Variants in EGFL6 observed in about 807,000 individuals in gnomAD.
EGFL6 encodes EGF like domain multiple 6.
A neutral mutation model predicts 43.1 loss-of-function variants in EGFL6; 42 were observed. The observed-to-expected ratio is 0.98, with a 90% CI of 0.76 to 1.26. The LOEUF is 1.26. Among genes scored for constraint, EGFL6 ranks in the 50% most tolerant of loss-of-function variants. EGFL6 has a pLI of 0.00. For missense variants in EGFL6, 429 were observed against 427.8 expected, an observed-to-expected ratio of 1.00 and a Z score of -0.02; for synonymous variants, 164 against 163.2, an observed-to-expected ratio of 1.01 and a Z score of -0.04.
chrX:13,627,400 C>T (rs1047686291), intron 11 of EGFL6, 124 bp downstream of exon 11: 2 of 913,151 alleles, frequency 2.2e-6, no homozygotes, highest in African/African-American at 4.0e-5. Context: ...TTTTTCCCTA[C>T]ACTTAAAGAA....
chrX:13,632,462 C>T (rs1439990720), intron 11 of EGFL6, among the ~76,000 whole-genome samples: 1 of 108,399 alleles, frequency 9.2e-6, no homozygotes, highest in Non-Finnish European at 1.9e-5. Flanking sequence ...CCACCACGCC[C>T]GGCTAATTTG....
intron 7 of EGFL6, among the ~76,000 whole-genome samples, chrX:13,608,834 C>G (rs1458937108): frequency 8.9e-6 from 1 of 112,345 alleles, no homozygotes; most frequent in East Asian, 2.8e-4. Context: ...CTTAAAACCA[C>G]AAAGGTTTTT....
chrX:13,632,003 A>G (rs2045813699), intron 11 of EGFL6, among the ~76,000 whole-genome samples: 1 of 111,096 alleles, frequency 9.0e-6, no homozygotes, highest in Admixed American at 9.6e-5. Context: ...CTATATAGAA[A>G]TTTCTAAACT....
chrX:13,588,779 TAC>T (rs200293674), intron 1 of EGFL6, among the ~76,000 whole-genome samples: 1,545 of 112,322 alleles, frequency 0.014, 31 homozygotes, highest in African/African-American at 0.048. Flanking sequence ...CTATTCAAAT[TAC>T]AGTGTCCATA....
intron 9 of EGFL6, among the ~76,000 whole-genome samples, chrX:13,623,212 A>C (rs1353573696): frequency 2.8e-5 from 3 of 108,579 alleles, no homozygotes; most frequent in East Asian, 5.7e-4. Flanking sequence ...AAGAAAGTAG[A>C]AAGTTCCGGC....
chrX:13,593,382 G>C (rs771966430), intron 2 of EGFL6, among the ~76,000 whole-genome samples: 7 of 112,078 alleles, frequency 6.2e-5, no homozygotes, highest in Admixed American at 9.5e-5. Context: ...GAGCCTGAAA[G>C]GGGGATTCTT....
chrX:13,569,641 A>C lies in EGFL6; in HGVS notation c.-221A>C. The C allele has an allele frequency of 6.0e-5, 16 of 264,540 alleles. No homozygotes were observed. The highest frequency in any genetic ancestry group is 8.7e-5 in the Non-Finnish European group (13 of 148,956). 21.8% of individuals were successfully genotyped at this position (264,540 alleles called of 1,213,427 possible). A position where few individuals can be genotyped will look rare whatever the true frequency, so the allele number is the denominator to read the frequency against. ...CTTCATCCGCAGAGGAGCCTCGGCCAGGCTTGCCAGGGCGCCCCCAGCCCC... is the reference window on the plus strand; with the variant it reads ...CTTCATCCGCAGAGGAGCCTCGGCCCGGCTTGCCAGGGCGCCCCCAGCCCC... On this transcript the variant is annotated 5_prime_UTR_variant, in exon 1 of 12. Coordinates refer to ENST00000361306, the MANE Select transcript of EGFL6 (RefSeq NM_015507.4).
Position 13,627,213 on chromosome X carries a change from T to G in EGFL6, c.1488T>G (p.Ser496Arg). ...CCCTGGCATGGGAGAAGACCACGAG[T>G]GAGGATGAAAAGTGGAAGACAGGGA... ...NNALAWEKTT[S>R]EDEKWKTGKI... is the part of the protein sequence containing the mutation. The change falls in exon 11 of 12, where the codon AGT (serine) becomes AGG (arginine). Residue 496 changes from serine (S) to arginine (R), a missense_variant. Physicochemically the swap from Ser to Arg is moderately radical, Grantham distance 110. Coordinates refer to ENST00000361306, the MANE Select transcript of EGFL6 (RefSeq NM_015507.4). 1 of 1,210,601 alleles carries G rather than the reference T, an allele frequency of 8.3e-7. No individual in the cohort carries two copies. Among genetic ancestry groups the G allele is most frequent in the Non-Finnish European group, 1.1e-6 (1 of 895,033 alleles).
chrX:13,578,132 C>T (rs559449877), intron 1 of EGFL6, among the ~76,000 whole-genome samples: 1 of 111,187 alleles, frequency 9.0e-6, no homozygotes, highest in African/African-American at 3.3e-5. Context: ...CATCACCTTG[C>T]TCTTCAGTAC....
chrX:13,595,044 G>C (rs1335424181), intron 3 of EGFL6, 116 bp downstream of exon 3: 6 of 449,245 alleles, frequency 1.3e-5, no homozygotes, highest in Non-Finnish European at 2.1e-5. Flanking sequence ...TTCAAATGAA[G>C]GTGCTTTCAG....
At chrX:13,574,363 C>G (rs1243720478) in intron 1 of EGFL6, among the ~76,000 whole-genome samples, 1 of 111,856 alleles carries the variant, frequency 8.9e-6, no homozygotes, top group Non-Finnish European at 1.9e-5. Flanking sequence ...GCCAGTAAAA[C>G]AGGGAACTAC....
intron 1 of EGFL6, among the ~76,000 whole-genome samples, chrX:13,575,361 C>T (rs868864825): frequency 3.4e-4 from 38 of 111,645 alleles, no homozygotes; most frequent in African/African-American, 1.2e-3. Context: ...ACCCAGGAGG[C>T]GGAGGTTGTG....
intron 1 of EGFL6, among the ~76,000 whole-genome samples, chrX:13,584,323 G>A (rs1365677993): frequency 9.0e-6 from 1 of 111,489 alleles, no homozygotes; most frequent in Non-Finnish European, 1.9e-5. Context: ...TACTAACCTG[G>A]TGTTCCTCTG....
In EGFL6 at chrX:13,608,548, C is replaced by T. The variant is rs112681548; in HGVS notation, c.778+102C>T. On this transcript the variant is annotated intron_variant, in intron 7 of 11. Transcript: ENST00000361306. ...TCTCTCCTTTCTTTGTCTTCCTCGC[C>T]TTCTCCCTCTCCCTTACTCTCACTC... The T allele has an allele frequency of 4.0e-5, 40 of 1,004,129 alleles. 1 individual carries two copies. In the African/African-American group the frequency reaches 4.2e-4, roughly 10 times the overall value. 82.8% of individuals were successfully genotyped at this position (1,004,129 alleles called of 1,213,427 possible).
chrX:13,603,304 T>C lies in EGFL6; in HGVS notation c.401-13T>C, dbSNP rs1376268531. 2.5e-6 allele frequency: 3 copies of C among 1,189,310 alleles called. No individual in the cohort carries two copies. Among genetic ancestry groups the C allele is most frequent in the Non-Finnish European group, 3.4e-6 (3 of 887,504 alleles). ...CTCAAGAGAGAAAGGCTAATCCTTG[T>C]CTACTTTTTCAGACTCTAGGACATG... On this transcript the variant is annotated splice_polypyrimidine_tract_variant and intron_variant, in intron 4 of 11. Coordinates refer to ENST00000361306, the MANE Select transcript of EGFL6 (RefSeq NM_015507.4).
chrX:13,600,100 TTTC>T lies in EGFL6; in HGVS notation c.400+7_400+9del. The T allele has an allele frequency of 8.3e-7, 1 of 1,209,788 alleles. No homozygotes were observed. Among genetic ancestry groups the T allele is most frequent in the Non-Finnish European group, 1.1e-6 (1 of 894,731 alleles). The stretch of plus-strand genomic sequence containing the variant: ...GCCAGATGCTACGTGTGTGAGTAAG[TTTC>T]AACAGCCAGGCTGATCTCAGTCAAT... On this transcript the variant is annotated splice_region_variant and intron_variant, in intron 4 of 11. Transcript: ENST00000361306.
At chrX:13,598,217 G>A (rs1053487223) in intron 3 of EGFL6, among the ~76,000 whole-genome samples, 7 of 112,391 alleles carry the variant, frequency 6.2e-5, no homozygotes, top group African/African-American at 1.9e-4. Flanking sequence ...CCCATTTGAA[G>A]AGGTTAGGTT....
chrX:13,577,296 TTTTATATATATATATA>T (rs1265556145), intron 1 of EGFL6, among the ~76,000 whole-genome samples: 191 of 6,240 alleles, frequency 0.031, 2 homozygotes, highest in African/African-American at 0.084. Flanking sequence ...TATATATGAA[TTTTATATATATATATA>T]TATATATATA....
intron 10 of EGFL6, 134 bp from the exon 11 acceptor site, chrX:13,626,877 A>C: frequency 1.5e-6 from 1 of 669,654 alleles, no homozygotes. Flanking sequence ...TTTTATTCCT[A>C]TGTTCAAAAT....
Sources: allele counts gnomAD v4.1 joint callset (sites outside exome capture counted in the v4.1 genomes callset), GRCh38; gene constraint gnomAD v4.1.1; transcripts MANE v1.5; gene names NCBI Gene and HGNC (gene_info 2026-07-23, HGNC 2026-07-21).